The following GASK1B variants were observed in gnomAD, a reference collection of about 807,000 sequenced individuals.
GASK1B encodes Golgi-associated kinase 1B.
In GASK1B, 34 loss-of-function variants were observed where a neutral mutation model predicts 42.8. The ratio of observed to expected loss-of-function variants is 0.79; its 90% CI spans 0.60 to 1.06. The LOEUF is 1.06. GASK1B is among the 50% of genes least tolerant of loss of function. The probability of loss-of-function intolerance (pLI) is 0.00; values close to 1 mark genes in which losing one functional copy is unlikely to be tolerated. For missense variants in GASK1B, 686 were observed against 661.0 expected, an observed-to-expected ratio of 1.04 and a Z score of -0.42; for synonymous variants, 262 against 259.1, an observed-to-expected ratio of 1.01 and a Z score of -0.11.
rs1731112469 is a variant in GASK1B, at chr4:158,141,478, T to C, written c.1126-10466A>G. Among the ~76,000 whole-genome samples the C allele has an allele frequency of 4.6e-5, 7 of 151,850 alleles. 1 individual carries two copies. The South Asian group carries it at 1.2e-3, about 27-fold the overall frequency. Reference sequence around the variant, plus strand: ...ATTCTTTTTCTTAAAGTTGCCTTCATGAAAAAATGCTTAAATTATGTGAAG... The same window carrying C: ...ATTCTTTTTCTTAAAGTTGCCTTCACGAAAAAATGCTTAAATTATGTGAAG... On this transcript the variant is annotated intron_variant, in intron 3 of 4. Coordinates refer to ENST00000585682, the MANE Select transcript of GASK1B (RefSeq NM_001128424.2).
Position 158,171,485 on chromosome 4 carries a change from G to T in GASK1B, c.-110C>A, listed in dbSNP as rs941986330. 9.4e-6 allele frequency: 11 copies of T among 1,168,514 alleles called. No homozygotes were observed. Among genetic ancestry groups the T allele is most frequent in the Non-Finnish European group, 1.2e-5 (10 of 856,988 alleles). 72.4% of individuals were successfully genotyped at this position (1,168,514 alleles called of 1,614,324 possible). ...CTGCCGCGTCCGCTTCGGGATATAAGTGGTCTCCAGTGGGCAGAGGTGGAA... is the reference window on the plus strand; with the variant it reads ...CTGCCGCGTCCGCTTCGGGATATAATTGGTCTCCAGTGGGCAGAGGTGGAA... On this transcript the variant is annotated 5_prime_UTR_variant, in exon 2 of 5. Transcript: ENST00000585682.
At chr4:158,164,455 A>G (rs1732149248) in intron 2 of GASK1B, among the ~76,000 whole-genome samples, 1 of 152,170 alleles carries the variant, frequency 6.6e-6, no homozygotes, top group Non-Finnish European at 1.5e-5. Flanking sequence ...AGCAAATAAG[A>G]GGACACTGGA....
intron 3 of GASK1B, among the ~76,000 whole-genome samples, chr4:158,152,995 G>T (rs879412327): frequency 6.6e-6 from 1 of 152,098 alleles, no homozygotes; most frequent in Admixed American, 6.5e-5. Context: ...GGAAATCCTA[G>T]CCAGAGCAAT....
At chr4:158,157,710 C>T (rs1731809911) in intron 2 of GASK1B, among the ~76,000 whole-genome samples, 2 of 152,102 alleles carry the variant, frequency 1.3e-5, no homozygotes, top group African/African-American at 4.8e-5. Flanking sequence ...CACAAATCAA[C>T]ACGCGGGTCA....
intron 3 of GASK1B, among the ~76,000 whole-genome samples, chr4:158,150,403 C>T (rs1481640996): frequency 6.6e-6 from 1 of 152,126 alleles, no homozygotes; most frequent in Non-Finnish European, 1.5e-5. Context: ...AGTCTCTCAG[C>T]AGTGACATAA....
At chr4:158,152,539 CAA>C (rs1022910181) in intron 3 of GASK1B, among the ~76,000 whole-genome samples, 1 of 143,420 alleles carries the variant, frequency 7.0e-6, no homozygotes, top group African/African-American at 2.6e-5. Context: ...AAGGACACAA[CAA>C]AAAAAAAAGA....
At chr4:158,143,914 T>TAATAAAATAATTGAATAAAATAATTG in intron 3 of GASK1B, among the ~76,000 whole-genome samples, 1 of 152,292 alleles carries the variant, frequency 6.6e-6, no homozygotes, top group African/African-American at 2.4e-5. Flanking sequence ...AAACTTAGCA[T>TAATAAAATAATTGAATAAAATAATTG]AATAAAATAA....
At chr4:158,151,938 T>C (rs762915495) in intron 3 of GASK1B, among the ~76,000 whole-genome samples, 5 of 152,154 alleles carry the variant, frequency 3.3e-5, no homozygotes, top group Non-Finnish European at 5.9e-5. Context: ...CCACCCTCAA[T>C]CTGGGTGGGC....
At chr4:158,156,783 T>C (rs967810292) in intron 2 of GASK1B, among the ~76,000 whole-genome samples, 2 of 152,072 alleles carry the variant, frequency 1.3e-5, no homozygotes, top group African/African-American at 4.8e-5. Flanking sequence ...TAAAAACAAC[T>C]AAATTACAAA....
chr4:158,130,422 T>G (rs1307862864), intron 4 of GASK1B, among the ~76,000 whole-genome samples: 1 of 152,190 alleles, frequency 6.6e-6, no homozygotes, highest in Non-Finnish European at 1.5e-5. Context: ...TCCTATCTTA[T>G]GCCTAATAAT....
chr4:158,153,114 A>G (rs1731619911), intron 3 of GASK1B, among the ~76,000 whole-genome samples: 1 of 152,214 alleles, frequency 6.6e-6, no homozygotes, highest in Admixed American at 6.6e-5. Context: ...AGACTCCTCC[A>G]AAAAACTTCT....
intron 3 of GASK1B, among the ~76,000 whole-genome samples, chr4:158,135,022 G>C (rs1375052210): frequency 6.6e-6 from 1 of 152,056 alleles, no homozygotes; most frequent in Non-Finnish European, 1.5e-5. Flanking sequence ...GCAATGCTTG[G>C]ATGAAGGCAA....
chr4:158,160,984 A>G lies in GASK1B; in HGVS notation c.911-5159T>C, dbSNP rs115712419. 8.1e-3 allele frequency among the ~76,000 whole-genome samples: 1,226 copies of G among 152,204 alleles called. 15 individuals are homozygous for G. The highest frequency in any genetic ancestry group is 0.028 in the African/African-American group (1,162 of 41,534). ...GGGTTAGATGGGAAAAGTGTTGATC[A>G]ACAGGTACAAAGTTTCGGTTAGACA... On this transcript the variant is annotated intron_variant, in intron 2 of 4. Transcript: ENST00000585682.
At chr4:158,164,914 C>T (rs1399080223) in intron 2 of GASK1B, among the ~76,000 whole-genome samples, 2 of 152,132 alleles carry the variant, frequency 1.3e-5, no homozygotes, top group East Asian at 1.9e-4. Flanking sequence ...CTTTATAATA[C>T]GAAGAGGCAA....
At chr4:158,159,607 C>T (rs1218000371) in intron 2 of GASK1B, 2 of 319,902 alleles carry the variant, frequency 6.3e-6, no homozygotes, top group Non-Finnish European at 1.3e-5. Flanking sequence ...GAAATCTCAA[C>T]AAGTGAAGAG....
chr4:158,127,660 T>G, intron 4 of GASK1B, 46 bp from the exon 5 acceptor site: 1 of 1,513,308 alleles, frequency 6.6e-7, no homozygotes, highest in African/African-American at 1.4e-5. Context: ...TGCTTGGGAA[T>G]AGTACTCCTT....
intron 4 of GASK1B, among the ~76,000 whole-genome samples, chr4:158,130,419 T>C (rs1730630791): frequency 6.6e-6 from 1 of 152,202 alleles, no homozygotes; most frequent in South Asian, 2.1e-4. Context: ...ATGTCCTATC[T>C]TATGCCTAAT....
At chr4:158,131,430 C>T (rs780293986) in intron 3 of GASK1B, among the ~76,000 whole-genome samples, 3 of 152,170 alleles carry the variant, frequency 2.0e-5, no homozygotes, top group Non-Finnish European at 4.4e-5. Flanking sequence ...TACTTCATTG[C>T]CACAAAAAGT....
At chr4:158,135,963 T>TA (rs1481955478) in intron 3 of GASK1B, among the ~76,000 whole-genome samples, 1 of 152,078 alleles carries the variant, frequency 6.6e-6, no homozygotes, top group Non-Finnish European at 1.5e-5. Flanking sequence ...TTGTTTTGTT[T>TA]AAAAAAATGA....
Sources: allele counts gnomAD v4.1 joint callset (sites outside exome capture counted in the v4.1 genomes callset), GRCh38; gene constraint gnomAD v4.1.1; transcripts MANE v1.5; gene names NCBI Gene and HGNC (gene_info 2026-07-23, HGNC 2026-07-21).